FAM234B: variants seen among roughly 807,000 people sequenced by gnomAD.
FAM234B encodes protein FAM234B.
In FAM234B, 33 loss-of-function variants were observed where a neutral mutation model predicts 69.3. The observed-to-expected ratio is 0.48, with a 90% CI of 0.36 to 0.64. FAM234B has a LOEUF of 0.64. Ranked by LOEUF, FAM234B falls within the 30% of genes least tolerant of loss-of-function variation. The pLI, the probability that FAM234B is intolerant of heterozygous loss-of-function variation, is 0.00. For missense variants in FAM234B, 697 were observed against 769.7 expected (o/e 0.91, Z 1.12); for synonymous variants, 306 against 306.9 (o/e 1.00, Z 0.03).
In FAM234B at chr12:13,061,598, CT is replaced by C; in HGVS notation, c.558del (p.Val187TyrfsTer6). The C allele has an allele frequency of 6.2e-7, 1 of 1,613,486 alleles. No individual in the cohort carries two copies. Among genetic ancestry groups the C allele is most frequent in the Non-Finnish European group, 8.5e-7 (1 of 1,179,688 alleles). On this transcript the variant is annotated frameshift_variant, in exon 4 of 13. Transcript: ENST00000197268. LOFTEE classifies it high-confidence loss of function. ...AGGTGTCTCAAGACCAGCTGCTAAT[CT>C]TGTATGCCTTTCGGGGATGAATGGC... is the stretch of plus-strand genomic sequence containing the variant. The part of the protein sequence containing the change: ...AVGVSRPAAN[L>X]VCLSGMNGST...
At chr12:13,069,841 A>G (rs1327077076) in intron 9 of FAM234B, among the ~76,000 whole-genome samples, 1 of 152,212 alleles carries the variant, frequency 6.6e-6, no homozygotes, top group African/African-American at 2.4e-5. Flanking sequence ...AGATACATTG[A>G]TAAAAACATC....
chr12:13,080,054 A>C, intron 12 of FAM234B, 45 bp downstream of exon 12: 1 of 1,361,520 alleles, frequency 7.3e-7, no homozygotes, highest in South Asian at 1.4e-5. Context: ...GTTTAGGACA[A>C]ATACTACCAA....
At chr12:13,049,210 T>C (rs957669578) in intron 1 of FAM234B, among the ~76,000 whole-genome samples, 2 of 152,214 alleles carry the variant, frequency 1.3e-5, no homozygotes, top group Non-Finnish European at 2.9e-5. Context: ...GACAAAGTCT[T>C]GTTCTGTCGC....
intron 10 of FAM234B, among the ~76,000 whole-genome samples, chr12:13,073,686 T>C (rs997706931): frequency 6.6e-6 from 1 of 152,166 alleles, no homozygotes; most frequent in Non-Finnish European, 1.5e-5. Flanking sequence ...GCCAACAGTT[T>C]TGCCACCCAT....
At chr12:13,076,965 C>G (rs1301585573) in intron 11 of FAM234B, among the ~76,000 whole-genome samples, 1 of 152,198 alleles carries the variant, frequency 6.6e-6, no homozygotes, top group Non-Finnish European at 1.5e-5. Flanking sequence ...TCTCTTGCTA[C>G]TTATGGACTT....
intron 3 of FAM234B, among the ~76,000 whole-genome samples, chr12:13,059,399 GAAACCGTCCACA>G (rs1216928147): frequency 6.6e-6 from 1 of 152,218 alleles, no homozygotes; most frequent in African/African-American, 2.4e-5. Flanking sequence ...GTCTCCTTAA[GAAACCGTCCACA>G]ACTTACCCTC....
At chr12:13,066,839 A>G in intron 6 of FAM234B, 52 bp downstream of exon 6, 1 of 1,575,444 alleles carries the variant, frequency 6.3e-7, no homozygotes, top group East Asian at 2.2e-5. Context: ...ATTTGTGATG[A>G]GGCCTTCCTT....
chr12:13,055,621 T>G lies in FAM234B; in HGVS notation c.108T>G (p.Asp36Glu), dbSNP rs772911281. The G allele has an allele frequency of 6.2e-6, 10 of 1,614,176 alleles. No individual in the cohort carries two copies. The South Asian group carries it at 1.1e-4, about 18-fold the overall frequency. Residue 36 changes from aspartate to glutamate, a missense_variant, in exon 2 of 13, where the codon GAT becomes GAG. Physicochemically the swap from Asp to Glu is conservative, Grantham distance 45. Coordinates refer to ENST00000197268, the MANE Select transcript of FAM234B (RefSeq NM_020853.2). ...CTGACAGTGATGAGAGCGAAGACGA[T>G]CTGGTGCTTAACCTGCAGAAGAATG... ...TQADSDESED[D>E]LVLNLQKNGG...
chr12:13,066,196 A>T (rs1865034772), intron 5 of FAM234B, among the ~76,000 whole-genome samples: 1 of 152,172 alleles, frequency 6.6e-6, no homozygotes, highest in Non-Finnish European at 1.5e-5. Context: ...TCTCTTTGAG[A>T]ATAAAGTTGA....
At chr12:13,047,603 T>C (rs1439272734) in intron 1 of FAM234B, among the ~76,000 whole-genome samples, 1 of 152,228 alleles carries the variant, frequency 6.6e-6, no homozygotes, top group African/African-American at 2.4e-5. Context: ...TCCTATTATA[T>C]TTAAGCAGCA....
intron 2 of FAM234B, among the ~76,000 whole-genome samples, 160 bp downstream of exon 2, chr12:13,056,106 A>C (rs1422432653): frequency 6.6e-6 from 1 of 152,212 alleles, no homozygotes; most frequent in Non-Finnish European, 1.5e-5. Context: ...TAAGATTTGA[A>C]AGAAAACAAA....
intron 10 of FAM234B, among the ~76,000 whole-genome samples, chr12:13,073,864 G>A (rs1036429329): frequency 5.3e-5 from 8 of 152,214 alleles, no homozygotes; most frequent in African/African-American, 1.4e-4. Context: ...AGGATGGTCT[G>A]CCATTGTGGG....
Position 13,067,263 on chromosome 12 carries a change from C to T in FAM234B, c.1109C>T (p.Ser370Phe). ...IEEPEWEKRR[S>F]INLSELIDVY... is the part of the protein sequence containing the mutation. ...GAGCCAGAATGGGAAAAGCGAAGAT[C>T]CATCAACCTGTCTGAGCTCATTGAT... The change falls in exon 7 of 13, where the codon TCC becomes TTC. Residue 370 changes from serine (S) to phenylalanine (F), a missense_variant. Coordinates refer to ENST00000197268, the MANE Select transcript of FAM234B (RefSeq NM_020853.2). The surrounding 1 kb of genome is among the most constrained non-coding windows in gnomAD (Gnocchi z 4.7). The T allele has an allele frequency of 6.2e-7, 1 of 1,614,004 alleles. No homozygotes were observed. Among genetic ancestry groups the T allele is most frequent in the Non-Finnish European group, 8.5e-7 (1 of 1,179,872 alleles).
chr12:13,062,815 A>C, intron 4 of FAM234B, 30 bp from the exon 5 acceptor site: 1 of 1,611,076 alleles, frequency 6.2e-7, no homozygotes, highest in East Asian at 2.2e-5. Context: ...AGAAGTTGTC[A>C]TAGTGACCAG....
intron 1 of FAM234B, among the ~76,000 whole-genome samples, chr12:13,051,246 T>C (rs1021349871): frequency 3.9e-5 from 6 of 152,244 alleles, no homozygotes; most frequent in Non-Finnish European, 8.8e-5. Flanking sequence ...CATATGCTTC[T>C]CTTCCTCCCT....
At chr12:13,070,140 T>A (rs978679389) in intron 9 of FAM234B, among the ~76,000 whole-genome samples, 1 of 147,062 alleles carries the variant, frequency 6.8e-6, no homozygotes, top group Non-Finnish European at 1.5e-5. Context: ...TTGTGACAGT[T>A]AAATGAAGTT....
intron 4 of FAM234B, 166 bp from the exon 5 acceptor site, chr12:13,062,679 G>A (rs117688503): frequency 0.022 from 13,401 of 598,528 alleles, 274 homozygotes; most frequent in East Asian, 0.068. Context: ...CACACTGCCT[G>A]CTTCCTCCTC....
At chr12:13,074,767 C>G (rs544505345) in intron 10 of FAM234B, among the ~76,000 whole-genome samples, 64 of 152,218 alleles carry the variant, frequency 4.2e-4, no homozygotes, top group Non-Finnish European at 8.1e-4. Context: ...GTGGAAGATG[C>G]CCTCTTCTGC....
intron 10 of FAM234B, 33 bp downstream of exon 10, chr12:13,071,429 T>C: frequency 6.3e-7 from 1 of 1,599,286 alleles, no homozygotes; most frequent in Admixed American, 1.7e-5. Context: ...CTTTTTTACT[T>C]TGTCAGATGG....
Sources: gnomAD v4.1 joint callset for allele counts (sites outside exome capture counted in the v4.1 genomes callset) on GRCh38, gnomAD v4.1.1 for gene constraint, Gnocchi (gnomAD v3.1) non-coding constraint, MANE v1.5 for transcripts, NCBI Gene and HGNC (gene_info 2026-07-23, HGNC 2026-07-21) for gene names.